ASB8: variants seen among roughly 807,000 people sequenced by gnomAD.
ASB8 encodes ankyrin repeat and SOCS box containing 8.
A neutral mutation model predicts 22.9 loss-of-function variants in ASB8; 15 were observed. The ratio of observed to expected loss-of-function variants is 0.66; its 90% confidence interval spans 0.44 to 1.01. ASB8 has a LOEUF of 1.01. Ranked by LOEUF, ASB8 falls within the 50% of genes least tolerant of loss-of-function variation. ASB8 has a pLI of 0.00. For synonymous variants in ASB8, 124 were observed against 140.8 expected (o/e 0.88, Z 0.84); for missense variants, 294 against 356.9 (o/e 0.82, Z 1.42).
intron 2 of ASB8, 157 bp from the exon 3 acceptor site, chr12:48,151,462 A>G (rs56288528): frequency 0.075 from 74,393 of 987,998 alleles, 3,437 homozygotes; most frequent in Non-Finnish European, 0.094. Context: ...TATTATGTCA[A>G]TGTCCAAACC....
rs1951197070 is a variant in ASB8, at chr12:48,151,241, T to A, written c.194A>T (p.Asp65Val). 1 of 1,614,174 alleles carries A rather than the reference T, an allele frequency of 6.2e-7. No individual in the cohort carries two copies. The highest frequency in any genetic ancestry group is 2.2e-5 in the East Asian group (1 of 44,886). ...KPLHCACMVS[D>V]ADCVELLLEK... is the part of the protein sequence containing the mutation. ...CAGAAGTAACTCCACACAGTCAGCA[T>A]CTGACACCATACAGGCACAGTGCAA... Residue 65 changes from aspartate (D) to valine (V), a missense_variant, in exon 3 of 4, where the codon GAT becomes GTT. Coordinates refer to ENST00000317697, the MANE Select transcript of ASB8 (RefSeq NM_024095.5).
chr12:48,149,450 G>C lies in ASB8; in HGVS notation c.783C>G (p.Ser261Arg). Reference sequence around the variant, plus strand: ...CATCGGGGAGATACTGGAGTCCCAGGCTACGGCGCACGGCATAGCGAGCGA... The same window carrying C: ...CATCGGGGAGATACTGGAGTCCCAGCCTACGGCGCACGGCATAGCGAGCGA... ...KTLARYAVRR[S>R]LGLQYLPDAV... is the part of the protein sequence containing the mutation. The change falls in exon 4 of 4, where the codon AGC becomes AGG. Residue 261 changes from serine to arginine, a missense_variant. Transcript: ENST00000317697. The C allele has an allele frequency of 6.2e-7, 1 of 1,614,066 alleles. No homozygotes were observed. The highest frequency in any genetic ancestry group is 8.5e-7 in the Non-Finnish European group (1 of 1,179,934).
rs774610561 is a variant in ASB8, at chr12:48,149,836, A to G, written c.397T>C (p.Cys133Arg). 6.2e-7 allele frequency: 1 copy of G among 1,614,074 alleles called. No homozygotes were observed. Among genetic ancestry groups the G allele is most frequent in the Admixed American group, 1.7e-5 (1 of 60,008 alleles). The change falls in exon 4 of 4, where the codon TGT (cysteine) becomes CGT (arginine). Residue 133 changes from cysteine to arginine, a missense_variant. Physicochemically the swap from Cys to Arg is radical, Grantham distance 180. Coordinates refer to ENST00000317697, the MANE Select transcript of ASB8 (RefSeq NM_024095.5). ...CCGCTCTCTAGGAGAGCCCGCACAC[A>G]CTCAGCATTGTTCTTAAAGGCTGCC... is the stretch of plus-strand genomic sequence containing the variant. ...HWAAFKNNAE[C>R]VRALLESGAS...
chr12:48,150,209 C>A, intron 3 of ASB8: 2 of 707,480 alleles, frequency 2.8e-6, no homozygotes, highest in South Asian at 3.0e-5. Flanking sequence ...CTCAAACAGT[C>A]AACACTATTA....
At chr12:48,153,557 C>A (rs1433281410) in intron 1 of ASB8, 28 bp from the exon 2 acceptor site, 7 of 1,575,204 alleles carry the variant, frequency 4.4e-6, no homozygotes, top group Non-Finnish European at 6.1e-6. Flanking sequence ...TCGGCATATA[C>A]AATATCACTG....
At chr12:48,150,047 A>G (rs1244891478) in intron 3 of ASB8, 49 bp from the exon 4 acceptor site, 2 of 1,570,102 alleles carry the variant, frequency 1.3e-6, no homozygotes, top group African/African-American at 2.7e-5. Flanking sequence ...TGAGAGGAAG[A>G]CAGGACAGCA....
At chr12:48,151,371 G>C in intron 2 of ASB8, 66 bp from the exon 3 acceptor site, 1 of 1,318,444 alleles carries the variant, frequency 7.6e-7, no homozygotes, top group Non-Finnish European at 1.1e-6. Flanking sequence ...ACAGAATTCA[G>C]AACTGAGTCC....
chr12:48,151,518 G>GA, intron 2 of ASB8: 1 of 1,345,788 alleles, frequency 7.4e-7, no homozygotes, highest in Non-Finnish European at 1.0e-6. Context: ...TAATTCCTTA[G>GA]ATCAAGTTAC....
At chr12:48,151,176 A>G in intron 3 of ASB8, 25 bp downstream of exon 3, 1 of 1,545,062 alleles carries the variant, frequency 6.5e-7, no homozygotes, top group South Asian at 1.1e-5. Flanking sequence ...GTGAGTCATT[A>G]ATGTGAATGT....
In ASB8 at chr12:48,153,483, A is replaced by T. The variant is rs1211010669; in HGVS notation, c.14T>A (p.Met5Lys). ...CTGAATGCTCTGCATAATATACCACATACTGGAACTCATCAAGGCTCAAGG... is the reference window on the plus strand; with the variant it reads ...CTGAATGCTCTGCATAATATACCACTTACTGGAACTCATCAAGGCTCAAGG... Reference protein sequence around the residue: MSSSMWYIMQSIQSK... With the variant: MSSSKWYIMQSIQSK... Residue 5 changes from methionine to lysine, a missense_variant, in exon 2 of 4, where the codon ATG becomes AAG. Transcript: ENST00000317697. 9 of 1,613,930 alleles carry T rather than the reference A, an allele frequency of 5.6e-6. No individual in the cohort carries two copies. Among genetic ancestry groups the T allele is most frequent in the Non-Finnish European group, 7.6e-6 (9 of 1,179,858 alleles).
rs374661050 is a variant in ASB8, at chr12:48,151,705, G to C, written c.130-400C>G. On this transcript the variant is annotated intron_variant, in intron 2 of 3. Coordinates refer to ENST00000317697, the MANE Select transcript of ASB8 (RefSeq NM_024095.5). ...AAGTGAGTCTGTCAGACTGAGGCCA[G>C]AAATGGCATGCTCTTTTGTCCATTC... 2.0e-5 allele frequency: 23 copies of C among 1,124,820 alleles called. 2 individuals are homozygous for C. The East Asian group carries it at 6.8e-4, about 33-fold the overall frequency. 69.7% of individuals were successfully genotyped at this position (1,124,820 alleles called of 1,614,324 possible). A position where few individuals can be genotyped will look rare whatever the true frequency, so the allele number is the denominator to read the frequency against.
chr12:48,150,700 A>C (rs1374457864), intron 3 of ASB8, among the ~76,000 whole-genome samples: 1 of 152,242 alleles, frequency 6.6e-6, no homozygotes, highest in Non-Finnish European at 1.5e-5. Context: ...AAAAACAAAA[A>C]AAAACCCTGA....
chr12:48,153,473 A>G lies in ASB8; in HGVS notation c.24T>C (p.Ile8=). 1.9e-6 allele frequency: 3 copies of G among 1,613,924 alleles called. No individual in the cohort carries two copies. The highest frequency in any genetic ancestry group is 2.2e-5 in the South Asian group (2 of 91,080). ...AGTATTTGCTCTGAATGCTCTGCAT[A>G]ATATACCACATACTGGAACTCATCA... MSSSMWY[I]MQSIQSKYSL... The change falls in exon 2 of 4, where the codon ATT becomes ATC. Residue 8 remains isoleucine, a synonymous_variant. Coordinates refer to ENST00000317697, the MANE Select transcript of ASB8 (RefSeq NM_024095.5).
rs1951152604 is a variant in ASB8 at position 48,149,178 on chromosome 12, AT to A, written c.*187del. 11 of 642,630 alleles carry A rather than the reference AT, an allele frequency of 1.7e-5. No homozygotes were observed. The highest frequency in any genetic ancestry group is 3.4e-5 in the Admixed American group (1 of 29,584). 39.8% of individuals were successfully genotyped at this position (642,630 alleles called of 1,614,324 possible). ...AATAAACAGAAAACAAAAGTGAGGG[AT>A]TTTTTTTGTTGGGTTGTTTGGTTTG... On this transcript the variant is annotated 3_prime_UTR_variant, in exon 4 of 4. Transcript: ENST00000317697.
intron 2 of ASB8, among the ~76,000 whole-genome samples, chr12:48,152,328 A>G (rs1230123821): frequency 1.3e-5 from 2 of 152,192 alleles, no homozygotes; most frequent in East Asian, 1.9e-4. Flanking sequence ...GTTGTGTCCA[A>G]TAACTCTGAA....
In ASB8 at chr12:48,149,215, G is replaced by A. The variant is rs1217785670; in HGVS notation, c.*151C>T. 3.7e-6 allele frequency: 3 copies of A among 800,578 alleles called. No individual in the cohort carries two copies. Among genetic ancestry groups the A allele is most frequent in the Admixed American group, 3.0e-5 (1 of 33,170 alleles). The allele number at this position is 800,578 out of a possible 1,614,324, so 49.6% of individuals were successfully genotyped here. A position where few individuals can be genotyped will look rare whatever the true frequency, so the allele number is the denominator to read the frequency against. On this transcript the variant is annotated 3_prime_UTR_variant, in exon 4 of 4. Coordinates refer to ENST00000317697, the MANE Select transcript of ASB8 (RefSeq NM_024095.5). ...GGGTTGTTTGGTTTGGGAAGGGGAG[G>A]TGCTATGGAGGTTATTGTTGTGACA...
intron 1 of ASB8, among the ~76,000 whole-genome samples, chr12:48,156,050 T>G (rs1010539904): frequency 5.9e-5 from 9 of 152,034 alleles, no homozygotes; most frequent in African/African-American, 9.7e-5. Context: ...GTGCTGGGAT[T>G]ACAGACATGA....
chr12:48,151,324 TTCAG>T lies in ASB8; in HGVS notation c.130-23_130-20del. Reference sequence around the variant, plus strand: ...CTGCTCCCTGTGGGCAGAAGACAACTTCAGTCAGTGTGTTCAGCTCTGGCTTGCC... The same window carrying T: ...CTGCTCCCTGTGGGCAGAAGACAACTTCAGTGTGTTCAGCTCTGGCTTGCC... On this transcript the variant is annotated intron_variant, in intron 2 of 3. Transcript: ENST00000317697. 6.3e-7 allele frequency: 1 copy of T among 1,583,252 alleles called. No individual in the cohort carries two copies. Among genetic ancestry groups the T allele is most frequent in the Non-Finnish European group, 8.7e-7 (1 of 1,153,534 alleles).
At position 48,149,898 on chromosome 12, in the gene ASB8, T is replaced by C. The variant is rs149900596; in HGVS notation, c.335A>G (p.Asn112Ser). 45 of 1,614,204 alleles carry C rather than the reference T, an allele frequency of 2.8e-5. No homozygotes were observed. The highest frequency in any genetic ancestry group is 6.7e-5 in the Admixed American group (4 of 60,020). Residue 112 changes from asparagine to serine, a missense_variant, in exon 4 of 4, where the codon AAT becomes AGT. By Grantham distance (46) the Asn-to-Ser change is conservative. Transcript: ENST00000317697. ...GGTATCTCTGTTGCCATCCAAAGCA[T>C]TGGGGTTTGCACCATACTCCAATAG... ...EVLLEYGANP[N>S]ALDGNRDTPL...
Sources: allele counts gnomAD v4.1 joint callset (sites outside exome capture counted in the v4.1 genomes callset), GRCh38; gene constraint gnomAD v4.1.1; transcripts MANE v1.5; gene names NCBI Gene and HGNC (gene_info 2026-07-23, HGNC 2026-07-21).